Variants in MDGA2 observed in about 807,000 individuals in gnomAD.
The protein encoded by MDGA2 is MAM domain containing glycosylphosphatidylinositol anchor 2, also known as MAM domain-containing glycosylphosphatidylinositol anchor protein 2.
In MDGA2, 40 loss-of-function variants were observed where a neutral mutation model predicts 117.8. That is an observed-to-expected ratio of 0.34 (90% CI 0.26 to 0.44). MDGA2 has a LOEUF of 0.44. MDGA2 is among the 20% of genes least tolerant of loss of function. The probability of loss-of-function intolerance (pLI) is 1.00; values close to 1 mark genes in which losing one functional copy is unlikely to be tolerated. For synonymous variants in MDGA2, 452 were observed against 439.0 expected (o/e 1.03, Z -0.37); for missense variants, 1,123 against 1,250.6 (o/e 0.90, Z 1.54).
At chr14:47,391,409 T>C (rs909255972) in intron 1 of MDGA2, among the ~76,000 whole-genome samples, 4 of 152,172 alleles carry the variant, frequency 2.6e-5, no homozygotes, top group Admixed American at 2.6e-4. Context: ...AAACTGCCTC[T>C]AAGAAACGGG....
At chr14:47,549,343 A>ATCTCTCTCTC (rs3039661) in intron 1 of MDGA2, among the ~76,000 whole-genome samples, 3,252 of 140,148 alleles carry the variant, frequency 0.023, 89 homozygotes, top group East Asian at 0.09. Context: ...CACCAGTATT[A>ATCTCTCTCTC]TCTCTCTCTC....
At chr14:47,075,466 T>A (rs540710210) in intron 6 of MDGA2, among the ~76,000 whole-genome samples, 1 of 152,298 alleles carries the variant, frequency 6.6e-6, no homozygotes, top group South Asian at 2.1e-4. Context: ...ACCTAATCAT[T>A]AACCTGAACA....
At chr14:47,013,772 G>GTGTGTATATATATA in intron 8 of MDGA2, among the ~76,000 whole-genome samples, 1 of 93,706 alleles carries the variant, frequency 1.1e-5, no homozygotes, top group East Asian at 5.5e-4. Context: ...TAATTTCCTT[G>GTGTGTATATATATA]TATATATATA....
intron 1 of MDGA2, among the ~76,000 whole-genome samples, chr14:47,631,490 C>T (rs1413367573): frequency 6.6e-6 from 1 of 152,080 alleles, no homozygotes; most frequent in African/African-American, 2.4e-5. Flanking sequence ...CCTTTCAGCC[C>T]ATCCTATCCC....
At chr14:47,385,634 T>C (rs10151311) in intron 1 of MDGA2, among the ~76,000 whole-genome samples, 39,411 of 151,972 alleles carry the variant, frequency 0.26, 5,313 homozygotes, top group South Asian at 0.45. Context: ...GCATCAATGA[T>C]CCCTCTTTCC....
intron 3 of MDGA2, among the ~76,000 whole-genome samples, chr14:47,164,601 A>C (rs898413743): frequency 1.3e-5 from 2 of 152,192 alleles, no homozygotes; most frequent in African/African-American, 4.8e-5. Context: ...GTCAGGAAAC[A>C]ACAGGTGTTG....
At chr14:47,604,495 C>CCCG (rs1555335642) in intron 1 of MDGA2, among the ~76,000 whole-genome samples, 1 of 131,098 alleles carries the variant, frequency 7.6e-6, no homozygotes, top group Non-Finnish European at 1.6e-5. Flanking sequence ...CCACCCCCCC[C>CCCG]CACCCTCACC....
chr14:47,065,960 A>G (rs186839563), intron 6 of MDGA2, among the ~76,000 whole-genome samples: 1 of 152,302 alleles, frequency 6.6e-6, no homozygotes, highest in African/African-American at 2.4e-5. Flanking sequence ...TAATAGTGCA[A>G]TCAGATAAAT....
rs114253069 is a variant in MDGA2 at position 47,597,130 on chromosome 14, C to T, written c.280+77387G>A. Among the ~76,000 whole-genome samples, 325 of 152,188 alleles carry T rather than the reference C, an allele frequency of 2.1e-3. 1 individual carries two copies. Among genetic ancestry groups the T allele is most frequent in the African/African-American group, 7.3e-3 (305 of 41,550 alleles). ...GGTATGTTCAAGCAGTTATGAGACA[C>T]TTTCATTACTAAACTCTGGTCATGA... On this transcript the variant is annotated intron_variant, in intron 1 of 16. Transcript: ENST00000399232.
At chr14:47,654,881 C>G (rs921363740) in intron 1 of MDGA2, among the ~76,000 whole-genome samples, 3 of 151,868 alleles carry the variant, frequency 2.0e-5, no homozygotes, top group Non-Finnish European at 4.4e-5. Flanking sequence ...ATTCTAAGGA[C>G]GCTAGATTAA....
At chr14:47,504,709 A>T (rs1434779877) in intron 1 of MDGA2, among the ~76,000 whole-genome samples, 1 of 152,204 alleles carries the variant, frequency 6.6e-6, no homozygotes, top group East Asian at 1.9e-4. Context: ...AGGATGTGTG[A>T]AAAGGGAACA....
intron 2 of MDGA2, among the ~76,000 whole-genome samples, chr14:47,292,799 T>C (rs1594777385): frequency 6.6e-6 from 1 of 152,176 alleles, no homozygotes; most frequent in East Asian, 1.9e-4. Flanking sequence ...CAAGGTGTCA[T>C]TTTTGTCTTT....
chr14:47,048,192 AG>A (rs1197755136), intron 7 of MDGA2, among the ~76,000 whole-genome samples: 2 of 152,078 alleles, frequency 1.3e-5, no homozygotes, highest in Admixed American at 6.6e-5. Context: ...TACAAAGGTC[AG>A]GGTGTTGCCA....
At chr14:47,182,174 T>C (rs935239570) in intron 3 of MDGA2, among the ~76,000 whole-genome samples, 2 of 152,144 alleles carry the variant, frequency 1.3e-5, no homozygotes, top group African/African-American at 4.8e-5. Flanking sequence ...TATCTCTTTA[T>C]ATAGAATACT....
intron 3 of MDGA2, among the ~76,000 whole-genome samples, chr14:47,211,749 CA>C (rs2139483254): frequency 6.6e-6 from 1 of 152,252 alleles, no homozygotes; most frequent in Non-Finnish European, 1.5e-5. Flanking sequence ...AGAATTCTTT[CA>C]AAACCCATCC....
At chr14:47,487,094 C>A (rs931087318) in intron 1 of MDGA2, among the ~76,000 whole-genome samples, 5 of 152,146 alleles carry the variant, frequency 3.3e-5, no homozygotes, top group African/African-American at 1.2e-4. Flanking sequence ...TGAATGATTC[C>A]TAATTTCATT....
intron 1 of MDGA2, among the ~76,000 whole-genome samples, chr14:47,613,205 A>C (rs1292305176): frequency 2.0e-5 from 3 of 152,072 alleles, no homozygotes; most frequent in African/African-American, 7.2e-5. Context: ...CCCTGTGGCC[A>C]CTCAGCCAGC....
At position 47,323,149 on chromosome 14, in the gene MDGA2, GATATATAT is replaced by G. The variant is rs58765297; in HGVS notation, c.281-21607_281-21600del. ...AAGCCCCAGAGAAAAAAGAGTCATG[GATATATAT>G]ATATATATATATATATATATATATA... is the stretch of plus-strand genomic sequence containing the variant. On this transcript the variant is annotated intron_variant, in intron 1 of 16. Transcript: ENST00000399232. Among the ~76,000 whole-genome samples the G allele has an allele frequency of 6.4e-3, 685 of 107,626 alleles. 7 individuals are homozygous for G. The highest frequency in any genetic ancestry group is 0.022 in the African/African-American group (591 of 26,500). 70.6% of individuals were successfully genotyped at this position (107,626 alleles called of 152,430 possible). A position where few individuals can be genotyped will look rare whatever the true frequency, so the allele number is the denominator to read the frequency against.
intron 1 of MDGA2, among the ~76,000 whole-genome samples, chr14:47,672,844 A>G (rs1898100264): frequency 6.6e-6 from 1 of 152,144 alleles, no homozygotes; most frequent in South Asian, 2.1e-4. Context: ...ACCGGGGTCC[A>G]GGATAGTCAC....
Sources: gnomAD v4.1 joint callset for allele counts (sites outside exome capture counted in the v4.1 genomes callset) on GRCh38, gnomAD v4.1.1 for gene constraint, MANE v1.5 for transcripts, NCBI Gene and HGNC (gene_info 2026-07-23, HGNC 2026-07-21) for gene names.